Variants in MCPH1 observed in about 807,000 individuals in gnomAD.
The protein encoded by MCPH1 is microcephalin 1.
MCPH1 carries 104 observed loss-of-function variants against 84.5 expected under a neutral mutation model. The observed-to-expected ratio is 1.23, with a 90% CI of 1.05 to 1.45. The LOEUF is 1.45. Ranked by LOEUF, MCPH1 falls within the 40% of genes most tolerant of loss-of-function variation. The pLI, the probability that MCPH1 is intolerant of heterozygous loss-of-function variation, is 0.00. For missense variants in MCPH1, 1,498 were observed against 1,005.7 expected (o/e 1.49, Z -6.62); for synonymous variants, 514 against 366.8 (o/e 1.40, Z -4.58).
chr8:6,461,290 T>C (rs1297813751), intron 9 of MCPH1, among the ~76,000 whole-genome samples: 1 of 151,370 alleles, frequency 6.6e-6, no homozygotes, highest in Non-Finnish European at 1.5e-5. Flanking sequence ...TTTTTTAGAC[T>C]TATTTTAAAT....
chr8:6,577,340 C>CTAGA (rs1827205843), intron 12 of MCPH1, among the ~76,000 whole-genome samples: 2 of 152,310 alleles, frequency 1.3e-5, no homozygotes, highest in Admixed American at 6.5e-5. Flanking sequence ...GATGAAGCCA[C>CTAGA]TAGATGTATA....
chr8:6,484,162 C>G (rs1809573236), intron 11 of MCPH1, among the ~76,000 whole-genome samples: 1 of 152,052 alleles, frequency 6.6e-6, no homozygotes, highest in Non-Finnish European at 1.5e-5. Flanking sequence ...TTATATCTGA[C>G]AAAAGATTTA....
chr8:6,423,628 C>A (rs1800598871), intron 3 of MCPH1, among the ~76,000 whole-genome samples: 1 of 152,076 alleles, frequency 6.6e-6, no homozygotes, highest in African/African-American at 2.4e-5. Context: ...TTATTTTTTT[C>A]AATTAGAAAT....
At chr8:6,521,310 G>T (rs1203497358) in intron 12 of MCPH1, 3 of 1,613,482 alleles carry the variant, frequency 1.9e-6, no homozygotes, top group East Asian at 2.2e-5. Context: ...ATGGAATTTT[G>T]CTTGGATACT....
intron 12 of MCPH1, among the ~76,000 whole-genome samples, chr8:6,531,320 A>T (rs1360797444): frequency 1.4e-5 from 2 of 138,008 alleles, no homozygotes; most frequent in African/African-American, 5.4e-5. Context: ...TTGAAGTCTC[A>T]CTCTGTTGCC....
At chr8:6,526,469 A>T in intron 12 of MCPH1, among the ~76,000 whole-genome samples, 1 of 152,000 alleles carries the variant, frequency 6.6e-6, no homozygotes, top group Non-Finnish European at 1.5e-5. Flanking sequence ...TGAAATTAGC[A>T]GGATTGTTAT....
intron 3 of MCPH1, among the ~76,000 whole-genome samples, chr8:6,429,175 C>T (rs1320037963): frequency 6.6e-6 from 1 of 152,198 alleles, no homozygotes; most frequent in Non-Finnish European, 1.5e-5. Flanking sequence ...GTGTGTTAGG[C>T]TGAATCTCAG....
chr8:6,528,928 T>G (rs1412320102), intron 12 of MCPH1, among the ~76,000 whole-genome samples: 1 of 152,218 alleles, frequency 6.6e-6, no homozygotes, highest in Non-Finnish European at 1.5e-5. Context: ...ACGTAAGGTT[T>G]TGTTTGGGTT....
At chr8:6,587,389 A>G (rs191796016) in intron 12 of MCPH1, among the ~76,000 whole-genome samples, 6 of 152,124 alleles carry the variant, frequency 3.9e-5, no homozygotes, top group Non-Finnish European at 7.4e-5. Context: ...CCCCAGCTTT[A>G]TGGGGTATAA....
At chr8:6,419,038 C>T (rs892352025) in intron 3 of MCPH1, among the ~76,000 whole-genome samples, 4 of 151,990 alleles carry the variant, frequency 2.6e-5, no homozygotes, top group African/African-American at 9.7e-5. Flanking sequence ...TGCTTTTCTT[C>T]TGGGACTCCA....
chr8:6,442,428 A>G (rs901364272), intron 7 of MCPH1, among the ~76,000 whole-genome samples: 3 of 152,190 alleles, frequency 2.0e-5, no homozygotes, highest in African/African-American at 7.2e-5. Context: ...ACGTATATGA[A>G]CTAATCTGTA....
chr8:6,576,492 T>TCTCTTTCCCTTC, intron 12 of MCPH1, among the ~76,000 whole-genome samples: 1 of 36,882 alleles, frequency 2.7e-5, no homozygotes, highest in Non-Finnish European at 6.1e-5. Flanking sequence ...CGTTTCCTTT[T>TCTCTTTCCCTTC]CCCTTTCCCT....
intron 11 of MCPH1, among the ~76,000 whole-genome samples, chr8:6,492,298 T>C (rs1041757277): frequency 6.6e-6 from 1 of 152,242 alleles, no homozygotes; most frequent in African/African-American, 2.4e-5. Context: ...TCTGTTCATA[T>C]CCTTCGCCCA....
chr8:6,623,549 G>C (rs145440320), intron 13 of MCPH1, among the ~76,000 whole-genome samples: 2 of 151,804 alleles, frequency 1.3e-5, no homozygotes, highest in Non-Finnish European at 2.9e-5. Context: ...AGTTACATTC[G>C]TATCTAACTA....
intron 12 of MCPH1, among the ~76,000 whole-genome samples, chr8:6,530,922 T>C (rs1309097021): frequency 6.6e-6 from 1 of 152,232 alleles, no homozygotes; most frequent in African/African-American, 2.4e-5. Flanking sequence ...GGCTGACGTC[T>C]AGCATTTCTT....
intron 12 of MCPH1, among the ~76,000 whole-genome samples, chr8:6,620,735 C>T (rs113773492): frequency 2.6e-5 from 4 of 152,280 alleles, no homozygotes; most frequent in African/African-American, 7.2e-5. Flanking sequence ...TAGGAAAATG[C>T]GTGTTCAGAA....
At chr8:6,549,371 T>G (rs917683618) in intron 12 of MCPH1, among the ~76,000 whole-genome samples, 5 of 152,216 alleles carry the variant, frequency 3.3e-5, no homozygotes, top group Admixed American at 2.0e-4. Context: ...TTGTTCCAAT[T>G]ACATGACATT....
chr8:6,443,897 T>C (rs1803874110), intron 7 of MCPH1, among the ~76,000 whole-genome samples: 1 of 152,222 alleles, frequency 6.6e-6, no homozygotes. Flanking sequence ...AGTTGAAACA[T>C]TAAAGCCTAC....
intron 3 of MCPH1, among the ~76,000 whole-genome samples, chr8:6,417,207 T>G (rs530327978): frequency 6.6e-6 from 1 of 152,364 alleles, no homozygotes; most frequent in African/African-American, 2.4e-5. Context: ...CCTCCTCATT[T>G]TTTCTGATTA....
Sources: allele counts gnomAD v4.1 joint callset (sites outside exome capture counted in the v4.1 genomes callset), GRCh38; gene constraint gnomAD v4.1.1; transcripts MANE v1.5; gene names NCBI Gene and HGNC (gene_info 2026-07-23, HGNC 2026-07-21).